The following CNTRL variants were observed in gnomAD, a reference collection of about 807,000 sequenced individuals.
CNTRL encodes the protein 110 kDa centrosomal protein.
A neutral mutation model predicts 303.7 loss-of-function variants in CNTRL; 233 were observed. The ratio of observed to expected loss-of-function variants is 0.77; its 90% confidence interval spans 0.69 to 0.86. The LOEUF is 0.86. Ranked by LOEUF, CNTRL falls within the 40% of genes least tolerant of loss-of-function variation. The pLI is 0.00. For missense variants in CNTRL, 2,524 were observed against 2,650.6 expected, an observed-to-expected ratio of 0.95 and a Z score of 1.05; for synonymous variants, 900 against 922.2, an observed-to-expected ratio of 0.98 and a Z score of 0.44.
intron 24 of CNTRL, 140 bp downstream of exon 24, chr9:121,149,001 ACC>A: frequency 1.4e-6 from 1 of 710,782 alleles, no homozygotes; most frequent in Non-Finnish European, 2.2e-6. Flanking sequence ...TTGGCCAGCG[ACC>A]TCTTGTCGTT....
intron 43 of CNTRL, among the ~76,000 whole-genome samples, chr9:121,176,481 G>A (rs907186789): frequency 6.6e-6 from 1 of 152,168 alleles, no homozygotes; most frequent in African/African-American, 2.4e-5. Flanking sequence ...TGGGCCTTAG[G>A]GCAGGGTTCG....
chr9:121,122,915 C>G (rs931707316), intron 12 of CNTRL, among the ~76,000 whole-genome samples: 1 of 152,042 alleles, frequency 6.6e-6, no homozygotes, highest in Admixed American at 6.6e-5. Flanking sequence ...TTAGGGCCCT[C>G]CATTTTGAGA....
rs367816310 is a variant in CNTRL, at chr9:121,107,936, A to G, written c.943A>G (p.Met315Val). The G allele has an allele frequency of 1.2e-5, 20 of 1,607,160 alleles. 1 individual carries two copies. Among genetic ancestry groups the G allele is most frequent in the African/African-American group, 1.1e-4 (8 of 74,300 alleles). The part of the protein sequence containing the change: ...KLNKSLKEEA[M>V]LQKQSCEELK... Reference sequence around the variant, plus strand: ...GAATAAATCATTAAAAGAGGAGGCCATGTTACAGAAACAGAGCTGTGAGGA... The same window carrying G: ...GAATAAATCATTAAAAGAGGAGGCCGTGTTACAGAAACAGAGCTGTGAGGA... The change falls in exon 8 of 44, where the codon ATG becomes GTG. Residue 315 changes from methionine to valine, a missense_variant. By Grantham distance (21) the Met-to-Val change is conservative (BLOSUM62 1). Transcript: ENST00000373855.
intron 13 of CNTRL, among the ~76,000 whole-genome samples, chr9:121,124,370 A>T (rs1025542510): frequency 1.3e-5 from 2 of 152,216 alleles, no homozygotes; most frequent in East Asian, 3.8e-4. Context: ...ATTGTCTATG[A>T]CATAAAATCC....
At chr9:121,164,831 T>G in intron 34 of CNTRL, 112 bp from the exon 35 acceptor site, 1 of 708,626 alleles carries the variant, frequency 1.4e-6, no homozygotes. Flanking sequence ...TGTGAAGATT[T>G]ATAATCATTT....
intron 27 of CNTRL, among the ~76,000 whole-genome samples, chr9:121,156,180 A>G (rs2052559015): frequency 1.3e-5 from 2 of 151,834 alleles, no homozygotes; most frequent in Admixed American, 1.3e-4. Flanking sequence ...AAATTTTGGT[A>G]TATTTTGGTT....
At chr9:121,135,324 C>A (rs1373429006) in intron 14 of CNTRL, among the ~76,000 whole-genome samples, 1 of 152,144 alleles carries the variant, frequency 6.6e-6, no homozygotes, top group East Asian at 1.9e-4. Context: ...TGTATGCTGA[C>A]TATCCTTTTT....
At chr9:121,121,757 G>C in intron 12 of CNTRL, 1 of 984,904 alleles carries the variant, frequency 1.0e-6, no homozygotes, top group African/African-American at 1.7e-5. Flanking sequence ...TTGGATGGGC[G>C]GGGCCGCCGC....
At chr9:121,167,088 T>C (rs1447486085) in intron 36 of CNTRL, among the ~76,000 whole-genome samples, 1 of 151,310 alleles carries the variant, frequency 6.6e-6, no homozygotes, top group Non-Finnish European at 1.5e-5. Context: ...GGCAGGTGGA[T>C]CACTTGAGCC....
At chr9:121,151,986 T>TA (rs1180571072) in intron 25 of CNTRL, 1 of 156,272 alleles carries the variant, frequency 6.4e-6, no homozygotes, top group African/African-American at 2.4e-5. Context: ...TATAATCTCT[T>TA]AAACGGGTTC....
chr9:121,114,783 C>T (rs2133193385), intron 10 of CNTRL, among the ~76,000 whole-genome samples: 1 of 152,228 alleles, frequency 6.6e-6, no homozygotes, highest in African/African-American at 2.4e-5. Flanking sequence ...GTGCATATTT[C>T]CCAATAAAAG....
intron 14 of CNTRL, among the ~76,000 whole-genome samples, chr9:121,135,064 T>C (rs1201339155): frequency 6.6e-6 from 1 of 152,236 alleles, no homozygotes; most frequent in Non-Finnish European, 1.5e-5. Flanking sequence ...TCCTCTTTAA[T>C]CTGTAATAGT....
At chr9:121,148,123 C>T (rs1179895553) in intron 23 of CNTRL, among the ~76,000 whole-genome samples, 1 of 152,188 alleles carries the variant, frequency 6.6e-6, no homozygotes, top group African/African-American at 2.4e-5. Context: ...AGAACAGAGG[C>T]TGACACCCGG....
At chr9:121,150,586 CA>C in intron 25 of CNTRL, 103 bp downstream of exon 25, 1 of 1,081,994 alleles carries the variant, frequency 9.2e-7, no homozygotes, top group Middle Eastern at 2.0e-4. Context: ...GATTATATGG[CA>C]AAGTGTGTTT....
chr9:121,126,437 TATC>T (rs2050528674), intron 14 of CNTRL, among the ~76,000 whole-genome samples: 1 of 152,230 alleles, frequency 6.6e-6, no homozygotes, highest in African/African-American at 2.4e-5. Flanking sequence ...TGGAAAATGT[TATC>T]ATACATGAGA....
intron 27 of CNTRL, among the ~76,000 whole-genome samples, chr9:121,157,031 C>G (rs1337168746): frequency 6.6e-6 from 1 of 152,116 alleles, no homozygotes; most frequent in East Asian, 1.9e-4. Context: ...ATCTTTAGTT[C>G]CACTACTTTC....
At chr9:121,091,681 A>G (rs950026026) in intron 4 of CNTRL, among the ~76,000 whole-genome samples, 2 of 152,044 alleles carry the variant, frequency 1.3e-5, no homozygotes, top group African/African-American at 2.4e-5. Flanking sequence ...CATCTCTACT[A>G]AAAATACCAA....
chr9:121,099,723 C>T (rs1320835666), intron 7 of CNTRL, among the ~76,000 whole-genome samples: 1 of 152,146 alleles, frequency 6.6e-6, no homozygotes, highest in Non-Finnish European at 1.5e-5. Context: ...AATGACCTGA[C>T]AGAGCTGAAA....
intron 40 of CNTRL, among the ~76,000 whole-genome samples, chr9:121,172,473 T>C (rs1324662882): frequency 6.6e-6 from 1 of 152,052 alleles, no homozygotes; most frequent in Admixed American, 6.6e-5. Context: ...AGACCCCGTC[T>C]CTACTAAAAA....
Sources: allele counts gnomAD v4.1 joint callset (sites outside exome capture counted in the v4.1 genomes callset), GRCh38; gene constraint gnomAD v4.1.1; transcripts MANE v1.5; gene names NCBI Gene and HGNC (gene_info 2026-07-23, HGNC 2026-07-21).